GALNT9: variants seen among roughly 807,000 people sequenced by gnomAD.
GALNT9 encodes polypeptide N-acetylgalactosaminyltransferase 9, also known as GalNAc transferase 9.
In GALNT9, 47 loss-of-function variants were observed where a neutral mutation model predicts 63.1. That is an observed-to-expected ratio of 0.75 (90% CI 0.59 to 0.95). The LOEUF (loss-of-function observed/expected upper bound fraction) is 0.95. Ranked by LOEUF, GALNT9 falls within the 40% of genes least tolerant of loss-of-function variation. GALNT9 has a pLI of 0.00. For missense variants in GALNT9, 829 were observed against 874.8 expected (o/e 0.95, Z 0.66); for synonymous variants, 396 against 365.7 (o/e 1.08, Z -0.94).
Position 132,260,141 on chromosome 12 carries a change from G to A in GALNT9, c.761+807C>T, listed in dbSNP as rs182207261. Among the ~76,000 whole-genome samples the A allele has an allele frequency of 9.3e-3, 1,418 of 152,312 alleles. 23 individuals are homozygous for A. The highest frequency in any genetic ancestry group is 0.033 in the African/African-American group (1,352 of 41,556). On this transcript the variant is annotated intron_variant, in intron 4 of 10. Transcript: ENST00000328957. The stretch of plus-strand genomic sequence containing the variant: ...CATCCTGGACTGCCCCAACTCTAAT[G>A]ACAAGGGTCCTTGCATAAGGCAGGG...
In GALNT9 at chr12:132,203,577, G is replaced by A. The variant is rs1042673033; in HGVS notation, c.1191C>T (p.Ala397=). The A allele has an allele frequency of 1.9e-5, 30 of 1,613,922 alleles. No homozygotes were observed. Among genetic ancestry groups the A allele is most frequent in the Non-Finnish European group, 2.5e-5 (29 of 1,179,822 alleles). The change falls in exon 7 of 11, where the codon GCC becomes GCT. Residue 397 remains alanine, a synonymous_variant. Coordinates refer to ENST00000328957, the MANE Select transcript of GALNT9 (RefSeq NM_001122636.2). Reference sequence around the variant, plus strand: ...CCATCCACACCTCGGCGGCGCGCAGGGCGTTGCGCTTGGCATAGTAGTCAA... The same window carrying A: ...CCATCCACACCTCGGCGGCGCGCAGAGCGTTGCGCTTGGCATAGTAGTCAA... The part of the protein sequence containing the change: ...NDIDYYAKRN[A]LRAAEVWMDD...
chr12:132,256,947 C>T (rs1436367805), intron 5 of GALNT9, among the ~76,000 whole-genome samples: 1 of 152,236 alleles, frequency 6.6e-6, no homozygotes, highest in African/African-American at 2.4e-5. Context: ...CAGTCTTCTC[C>T]TGGGTAGTGT....
In GALNT9 at chr12:132,292,469, G is replaced by C. The variant is rs188448993; in HGVS notation, c.239-6039C>G. 9.3e-4 allele frequency among the ~76,000 whole-genome samples: 142 copies of C among 152,312 alleles called. 1 individual carries two copies. The highest frequency in any genetic ancestry group is 3.1e-3 in the African/African-American group (128 of 41,562). ...ACGGGCTCTGCTGGGCCGGACCCGA[G>C]TCTCTGACTCCCTCGAGGGCCCTGC... On this transcript the variant is annotated intron_variant, in intron 1 of 10. Transcript: ENST00000328957.
chr12:132,249,929 C>T (rs565751431), intron 5 of GALNT9, among the ~76,000 whole-genome samples: 1 of 152,350 alleles, frequency 6.6e-6, no homozygotes, highest in South Asian at 2.1e-4. Flanking sequence ...GGCCCCAGGT[C>T]CTGCCTGCTG....
At chr12:132,260,114 G>A (rs1381535339) in intron 4 of GALNT9, among the ~76,000 whole-genome samples, 1 of 152,202 alleles carries the variant, frequency 6.6e-6, no homozygotes, top group African/African-American at 2.4e-5. Context: ...TTTGCCTGGG[G>A]GCATCCTGGA....
intron 6 of GALNT9, among the ~76,000 whole-genome samples, chr12:132,216,929 T>C (rs1877221865): frequency 6.6e-6 from 1 of 152,246 alleles, no homozygotes; most frequent in South Asian, 2.1e-4. Context: ...GGTTTAGCTG[T>C]GTGACGAACT....
chr12:132,250,000 C>A (rs551264563), intron 5 of GALNT9, among the ~76,000 whole-genome samples: 1 of 134,556 alleles, frequency 7.4e-6, no homozygotes, highest in African/African-American at 2.5e-5. Flanking sequence ...GGCCTTAGTC[C>A]AGCCGGACGC....
chr12:132,258,622 G>A (rs537088456), intron 4 of GALNT9, among the ~76,000 whole-genome samples: 4 of 152,352 alleles, frequency 2.6e-5, no homozygotes, highest in Middle Eastern at 3.4e-3. Context: ...CGAAGCCCGG[G>A]CGTGTGCCTA....
chr12:132,230,293 C>T (rs1261397368), intron 6 of GALNT9, among the ~76,000 whole-genome samples: 1 of 152,170 alleles, frequency 6.6e-6, no homozygotes, highest in Non-Finnish European at 1.5e-5. Flanking sequence ...GGACAGCATC[C>T]GCCTTCCCGA....
chr12:132,258,317 A>G (rs1019348589), intron 4 of GALNT9, among the ~76,000 whole-genome samples: 5 of 152,268 alleles, frequency 3.3e-5, no homozygotes, highest in African/African-American at 1.2e-4. Context: ...TTAATTGAGG[A>G]TCTACTATGT....
intron 2 of GALNT9, chr12:132,280,344 G>T (rs1329462956): frequency 2.0e-5 from 3 of 152,306 alleles, no homozygotes. Context: ...GGAGATGCCT[G>T]AAGGACAGGA....
rs1879191123 is a variant in GALNT9, at chr12:132,257,715, G to A, written c.933C>T (p.Asp311=). ...MYIIPPQDWL[D]RGDESAPIRT... is the part of the protein sequence containing the mutation. ...TGATGGGTGCTGACTCGTCGCCGCG[G>A]TCCAGCCAGTCCTGCGGGGGGATGA... Residue 311 remains aspartate (D), a synonymous_variant, in exon 5 of 11, where the codon GAC becomes GAT. Transcript: ENST00000328957. 3 of 1,550,052 alleles carry A rather than the reference G, an allele frequency of 1.9e-6. No individual in the cohort carries two copies. The highest frequency in any genetic ancestry group is 2.6e-6 in the Non-Finnish European group (3 of 1,146,766).
rs549158371 is a variant in GALNT9 at position 132,202,544 on chromosome 12, TA to T, written c.1263+960del. On this transcript the variant is annotated intron_variant, in intron 7 of 10. Transcript: ENST00000328957. ...TGTGGTGGGAAGTTTTAAGAAGTAG[TA>T]ATATTGTAAATGAGAAGGGTCACTT... 2.6e-5 allele frequency among the ~76,000 whole-genome samples: 4 copies of T among 152,262 alleles called. No individual in the cohort carries two copies. In the East Asian group the frequency reaches 7.7e-4, roughly 29 times the overall value.
chr12:132,217,222 AT>A (rs1455435183), intron 6 of GALNT9, among the ~76,000 whole-genome samples: 5 of 151,740 alleles, frequency 3.3e-5, no homozygotes, highest in Non-Finnish European at 4.4e-5. Flanking sequence ...CCAGCCAGCC[AT>A]CCATTCATCC....
At chr12:132,241,515 C>A (rs1315488445) in intron 6 of GALNT9, among the ~76,000 whole-genome samples, 1 of 118,164 alleles carries the variant, frequency 8.5e-6, no homozygotes, top group Non-Finnish European at 1.9e-5. Context: ...ATACCCATTA[C>A]ACACACGCCA....
intron 10 of GALNT9, among the ~76,000 whole-genome samples, 188 bp from the exon 11 acceptor site, chr12:132,197,441 T>C (rs2135494185): frequency 6.7e-6 from 1 of 148,922 alleles, no homozygotes; most frequent in South Asian, 2.1e-4. Context: ...GCTTCGAGGA[T>C]TTCCCATCTT....
intron 1 of GALNT9, among the ~76,000 whole-genome samples, chr12:132,322,577 C>A (rs1566024977): frequency 6.6e-6 from 1 of 152,196 alleles, no homozygotes; most frequent in Non-Finnish European, 1.5e-5. Context: ...GGGGCGTCTG[C>A]CCAACCCCAG....
chr12:132,324,689 G>A lies in GALNT9; in HGVS notation c.238+4277C>T, dbSNP rs564518192. 2.5e-3 allele frequency among the ~76,000 whole-genome samples: 380 copies of A among 152,202 alleles called. 2 individuals carry two copies. Among genetic ancestry groups the A allele is most frequent in the African/African-American group, 8.9e-3 (368 of 41,524 alleles). On this transcript the variant is annotated intron_variant, in intron 1 of 10. Transcript: ENST00000328957. ...ATCTAGACCGCCGCCCTCTGCAGCC[G>A]GGTGCAAGGCAAGTGTTGGGTGGCC...
intron 5 of GALNT9, among the ~76,000 whole-genome samples, chr12:132,251,985 G>A (rs920052025): frequency 2.6e-5 from 4 of 152,172 alleles, no homozygotes; most frequent in Admixed American, 1.3e-4. Context: ...CCTTCCTGCC[G>A]TTCTCCCACC....
Sources: gnomAD v4.1 joint callset for allele counts (sites outside exome capture counted in the v4.1 genomes callset) on GRCh38, gnomAD v4.1.1 for gene constraint, MANE v1.5 for transcripts, NCBI Gene and HGNC (gene_info 2026-07-23, HGNC 2026-07-21) for gene names.